ZFR2: variants seen among roughly 807,000 people sequenced by gnomAD.
The protein encoded by ZFR2 is zinc finger RNA-binding protein 2.
ZFR2 carries 104 observed loss-of-function variants against 105.7 expected under a neutral mutation model. The observed-to-expected ratio is 0.98, with a 90% CI of 0.84 to 1.16. The LOEUF is 1.16. Ranked by LOEUF, ZFR2 falls within the 50% of genes most tolerant of loss-of-function variation. The pLI, the probability that ZFR2 is intolerant of heterozygous loss-of-function variation, is 0.00. For synonymous variants in ZFR2, 634 were observed against 597.7 expected (o/e 1.06, Z -0.89); for missense variants, 1,425 against 1,355.5 (o/e 1.05, Z -0.80).
intron 1 of ZFR2, among the ~76,000 whole-genome samples, chr19:3,859,279 T>C (rs556877709): frequency 6.6e-6 from 1 of 152,340 alleles, no homozygotes; most frequent in East Asian, 1.9e-4. Context: ...ACACCAGCAG[T>C]TGGCCAGGGG....
chr19:3,833,705 A>G lies in ZFR2; in HGVS notation c.338T>C (p.Leu113Pro). The change falls in exon 3 of 19, where the codon CTC becomes CCC. Residue 113 changes from leucine to proline, a missense_variant. Transcript: ENST00000262961. The part of the protein sequence containing the change: ...EDRPYFQSAA[L>P]QSGRMTAADS... ...TGCGGCTGTCATGCGCCCAGACTGG[A>G]GGGCAGCAGACTGGAAGTACGGCCT... 6.3e-7 allele frequency: 1 copy of G among 1,577,004 alleles called. No homozygotes were observed. Among genetic ancestry groups the G allele is most frequent in the South Asian group, 1.2e-5 (1 of 86,006 alleles).
chr19:3,817,193 G>T (rs1198396358), intron 12 of ZFR2, among the ~76,000 whole-genome samples: 1 of 152,124 alleles, frequency 6.6e-6, no homozygotes, highest in East Asian at 1.9e-4. Context: ...TGTTGTTTCG[G>T]CTCCACATGG....
chr19:3,829,461 T>C (rs35102783), intron 5 of ZFR2, among the ~76,000 whole-genome samples: 65,146 of 151,460 alleles, frequency 0.43, 14,236 homozygotes, highest in African/African-American at 0.53. Context: ...GGTTTGTGTG[T>C]GTGTGTGTGT....
rs1421323351 is a variant in ZFR2 at position 3,805,135 on chromosome 19, G to A, written c.*814C>T. Reference sequence around the variant, plus strand: ...GATCCACCAAGCTTGGCCTCCCAAAGTGCTGGGATTATAGGTGTGAGCCAC... The same window carrying A: ...GATCCACCAAGCTTGGCCTCCCAAAATGCTGGGATTATAGGTGTGAGCCAC... On this transcript the variant is annotated 3_prime_UTR_variant, in exon 19 of 19. Coordinates refer to ENST00000262961, the MANE Select transcript of ZFR2 (RefSeq NM_015174.2). 6.6e-6 allele frequency: 1 copy of A among 152,334 alleles called. No homozygotes were observed. Among genetic ancestry groups the A allele is most frequent in the Middle Eastern group, 3.2e-3 (1 of 316 alleles). 9.4% of individuals were successfully genotyped at this position (152,334 alleles called of 1,614,324 possible).
intron 1 of ZFR2, among the ~76,000 whole-genome samples, chr19:3,841,251 C>T (rs1206020966): frequency 6.6e-5 from 10 of 152,212 alleles, no homozygotes; most frequent in African/African-American, 2.2e-4. Flanking sequence ...GGAACACGGC[C>T]GGCAACGGGT....
At chr19:3,859,657 CA>C (rs1161915571) in intron 1 of ZFR2, among the ~76,000 whole-genome samples, 3 of 152,238 alleles carry the variant, frequency 2.0e-5, no homozygotes, top group African/African-American at 7.2e-5. Context: ...GCCAGAGAGA[CA>C]ACGTGCCCTG....
chr19:3,861,352 C>T (rs1347005173), intron 1 of ZFR2, among the ~76,000 whole-genome samples: 2 of 152,158 alleles, frequency 1.3e-5, no homozygotes, highest in African/African-American at 2.4e-5. Flanking sequence ...TTGAGCAGAG[C>T]GCGGTGGCTC....
chr19:3,835,716 G>A (rs962633139), intron 1 of ZFR2, among the ~76,000 whole-genome samples: 3 of 151,600 alleles, frequency 2.0e-5, no homozygotes, highest in African/African-American at 4.8e-5. Context: ...AGGCCAAGGC[G>A]GGAGGATTGC....
chr19:3,841,566 T>C (rs1472906402), intron 1 of ZFR2, among the ~76,000 whole-genome samples: 6 of 151,940 alleles, frequency 3.9e-5, no homozygotes, highest in Non-Finnish European at 7.4e-5. Flanking sequence ...GCACCTGTAG[T>C]CCCAGCTACT....
chr19:3,823,203 C>G lies in ZFR2; in HGVS notation c.1371+43G>C, dbSNP rs1172830738. ...CTCGAAGCCTGATCCATGGGAAGGT[C>G]CTTCCCTGACCGGGGCACCAGGACT... On this transcript the variant is annotated intron_variant, in intron 8 of 18. Coordinates refer to ENST00000262961, the MANE Select transcript of ZFR2 (RefSeq NM_015174.2). This position sits in a 1 kb window ranked among gnomAD's most constrained non-coding sequence, Gnocchi z 5.4. The G allele has an allele frequency of 6.2e-7, 1 of 1,613,178 alleles. No homozygotes were observed. Among genetic ancestry groups the G allele is most frequent in the South Asian group, 1.1e-5 (1 of 91,014 alleles).
intron 17 of ZFR2, among the ~76,000 whole-genome samples, chr19:3,808,365 G>T (rs892556897): frequency 1.3e-5 from 2 of 152,256 alleles, no homozygotes; most frequent in Admixed American, 6.5e-5. Context: ...CACTAAAAAT[G>T]ACTCGAAAAC....
chr19:3,826,059 G>A (rs1191205115), intron 6 of ZFR2, among the ~76,000 whole-genome samples: 4 of 151,906 alleles, frequency 2.6e-5, no homozygotes, highest in Admixed American at 6.6e-5. Context: ...GGGCCTGCCT[G>A]ACCCCCAGAC....
intron 17 of ZFR2, among the ~76,000 whole-genome samples, chr19:3,808,138 T>C (rs2037722255): frequency 6.7e-6 from 1 of 149,994 alleles, no homozygotes; most frequent in Admixed American, 6.6e-5. Context: ...CGTGCGTATG[T>C]GTGCCCGTGT....
At chr19:3,816,897 C>T in intron 12 of ZFR2, 52 bp from the exon 13 acceptor site, 1 of 1,483,598 alleles carries the variant, frequency 6.7e-7, no homozygotes. Context: ...ACGCGGGGTA[C>T]CCCAGCTGCC....
chr19:3,868,879 G>T, intron 1 of ZFR2, 86 bp downstream of exon 1: 1 of 1,093,398 alleles, frequency 9.1e-7, no homozygotes, highest in Non-Finnish European at 1.2e-6. Context: ...CGGGCCGGGC[G>T]CACGCGGCGG....
rs199935128 is a variant in ZFR2, at chr19:3,831,730, G to C, written c.528C>G (p.Pro176=). The change falls in exon 4 of 19, where the codon CCC becomes CCG. Residue 176 remains proline (P), a synonymous_variant. Transcript: ENST00000262961. ...AGGTCACGATGGAAGCTGACGACTC[G>C]GGCTGGACGCCTGTCGCCGTGGGGT... ...YTYPTATGVQ[P]ESSASIVTSY... is the part of the protein sequence containing the mutation. 2 of 1,602,780 alleles carry C rather than the reference G, an allele frequency of 1.2e-6. No individual in the cohort carries two copies. The highest frequency in any genetic ancestry group is 2.2e-5 in the South Asian group (2 of 89,276).
At chr19:3,822,684 C>T (rs1331266608) in intron 8 of ZFR2, among the ~76,000 whole-genome samples, 1 of 152,126 alleles carries the variant, frequency 6.6e-6, no homozygotes, top group Admixed American at 6.5e-5. Context: ...CCACTGTGCT[C>T]CAGCCTCGGT....
At chr19:3,839,427 G>A (rs2038111657) in intron 1 of ZFR2, among the ~76,000 whole-genome samples, 1 of 151,588 alleles carries the variant, frequency 6.6e-6, no homozygotes, top group Non-Finnish European at 1.5e-5. Context: ...CAGCTACTCA[G>A]GAGGCTGAGG....
In ZFR2 at chr19:3,805,689, G is replaced by A. The variant is rs1262369606; in HGVS notation, c.*260C>T. On this transcript the variant is annotated 3_prime_UTR_variant, in exon 19 of 19. Transcript: ENST00000262961. ...AGCTGATTTTTAAAAATATTTTGGA[G>A]AGATGGGGGTCTCACTCTGTTGTCT... 2 of 406,198 alleles carry A rather than the reference G, an allele frequency of 4.9e-6. No individual in the cohort carries two copies. The highest frequency in any genetic ancestry group is 8.7e-6 in the Non-Finnish European group (2 of 230,416). The allele number at this position is 406,198 out of a possible 1,614,324, so 25.2% of individuals were successfully genotyped here. A position where few individuals can be genotyped will look rare whatever the true frequency, so the allele number is the denominator to read the frequency against.
Sources: allele counts gnomAD v4.1 joint callset (sites outside exome capture counted in the v4.1 genomes callset), GRCh38; gene constraint gnomAD v4.1.1; non-coding constraint Gnocchi (gnomAD v3.1); transcripts MANE v1.5; gene names NCBI Gene and HGNC (gene_info 2026-07-23, HGNC 2026-07-21).